The following UBE2U variants were observed in gnomAD, a reference collection of about 807,000 sequenced individuals.
The protein encoded by UBE2U is ubiquitin-conjugating enzyme E2 U.
In UBE2U, 39 loss-of-function variants were observed where a neutral mutation model predicts 41.2. The ratio of observed to expected loss-of-function variants is 0.95; its 90% CI spans 0.73 to 1.24. UBE2U has a LOEUF of 1.24. Among genes scored for constraint, UBE2U ranks in the 50% most tolerant of loss-of-function variants. UBE2U has a pLI of 0.00. For missense variants in UBE2U, 336 were observed against 363.1 expected, an observed-to-expected ratio of 0.93 and a Z score of 0.61; for synonymous variants, 107 against 117.8, an observed-to-expected ratio of 0.91 and a Z score of 0.60.
intron 8 of UBE2U, among the ~76,000 whole-genome samples, chr1:64,252,170 A>G (rs1645021635): frequency 6.6e-6 from 1 of 152,126 alleles, no homozygotes; most frequent in Non-Finnish European, 1.5e-5. Flanking sequence ...GCGAGATCCC[A>G]GTCCATTCCT....
intron 8 of UBE2U, chr1:64,244,257 A>G (rs1017811860): frequency 7.4e-7 from 1 of 1,357,922 alleles, no homozygotes; most frequent in South Asian, 1.9e-5. Context: ...AACCTTACCT[A>G]TCTTGCAAAG....
chr1:64,245,189 C>G (rs1020821072), intron 8 of UBE2U, among the ~76,000 whole-genome samples: 1 of 152,156 alleles, frequency 6.6e-6, no homozygotes, highest in African/African-American at 2.4e-5. Flanking sequence ...CTTTCTAAAG[C>G]CTTTTTTCTT....
chr1:64,204,690 T>C (rs545348946), intron 1 of UBE2U, among the ~76,000 whole-genome samples: 1 of 152,270 alleles, frequency 6.6e-6, no homozygotes, highest in South Asian at 2.1e-4. Flanking sequence ...TGTCCATGGC[T>C]GCCACAGGCT....
rs1645177427 is a variant in UBE2U, at chr1:64,261,319, T to A, written c.769+625T>A. Among the ~76,000 whole-genome samples, 5 of 152,208 alleles carry A rather than the reference T, an allele frequency of 3.3e-5. No individual in the cohort carries two copies. The South Asian group carries it at 1.0e-3, about 32-fold the overall frequency. On this transcript the variant is annotated intron_variant, in intron 9 of 9. Transcript: ENST00000371077. ...TCATCCTTAGCTAGTACTGTGTATG[T>A]GGAAGATGTTCAACAAATCCTAGTT... is the stretch of plus-strand genomic sequence containing the variant.
chr1:64,250,367 C>T (rs1162885451), intron 8 of UBE2U, among the ~76,000 whole-genome samples: 3 of 152,244 alleles, frequency 2.0e-5, no homozygotes, highest in East Asian at 1.9e-4. Context: ...CAACTTTAAA[C>T]CCAGATGGCT....
chr1:64,261,992 C>T (rs1432125458), intron 9 of UBE2U, among the ~76,000 whole-genome samples: 3 of 152,156 alleles, frequency 2.0e-5, no homozygotes, highest in African/African-American at 7.2e-5. Flanking sequence ...TAATACTTGT[C>T]TCTGTCTTTG....
chr1:64,256,045 C>G (rs555396346), intron 8 of UBE2U, among the ~76,000 whole-genome samples: 1 of 152,074 alleles, frequency 6.6e-6, no homozygotes, highest in Admixed American at 6.5e-5. Context: ...GAATAAAATA[C>G]TAGGAATACA....
intron 5 of UBE2U, among the ~76,000 whole-genome samples, 183 bp from the exon 6 acceptor site, chr1:64,220,676 A>G (rs1557711415): frequency 6.6e-6 from 1 of 151,206 alleles, no homozygotes; most frequent in Non-Finnish European, 1.5e-5. Flanking sequence ...GACAGTTACC[A>G]CTTGACATCT....
At chr1:64,215,755 C>T (rs1355069534) in intron 5 of UBE2U, among the ~76,000 whole-genome samples, 2 of 152,150 alleles carry the variant, frequency 1.3e-5, no homozygotes, top group African/African-American at 4.8e-5. Context: ...TTCCTGATAC[C>T]CTTGGTATCC....
intron 9 of UBE2U, among the ~76,000 whole-genome samples, chr1:64,263,909 G>C (rs1468141231): frequency 3.3e-5 from 5 of 152,164 alleles, no homozygotes; most frequent in Non-Finnish European, 5.9e-5. Flanking sequence ...ACTTTGGGTG[G>C]CTAAATGTGT....
chr1:64,243,647 C>T (rs952154232), intron 8 of UBE2U, among the ~76,000 whole-genome samples: 2 of 152,074 alleles, frequency 1.3e-5, no homozygotes, highest in African/African-American at 4.8e-5. Flanking sequence ...AAAAGAGAAA[C>T]CTGTCTCTCC....
Position 64,214,732 on chromosome 1 carries a change from T to C in UBE2U, c.340-83T>C, listed in dbSNP as rs78223171. ...TAGTAAGCATTTAATACATGCTTAT[T>C]GAAAGTTGTATATATTGGTTTGTCG... On this transcript the variant is annotated intron_variant, in intron 4 of 9. Coordinates refer to ENST00000371077, the MANE Select transcript of UBE2U (RefSeq NM_001366232.2). The C allele has an allele frequency of 9.6e-3, 9,532 of 987,976 alleles. 582 individuals carry two copies. The African/African-American group carries it at 0.13, about 14-fold the overall frequency. 61.2% of individuals were successfully genotyped at this position (987,976 alleles called of 1,614,324 possible).
rs902709697 is a variant in UBE2U, at chr1:64,220,967, A to G, written c.506+60A>G. ...TTTACCAAAAGGACTATTTATTTAA[A>G]CTCTTTATGTTTTTCATCATAATTA... On this transcript the variant is annotated intron_variant, in intron 6 of 9. Transcript: ENST00000371077. 7 of 1,137,734 alleles carry G rather than the reference A, an allele frequency of 6.2e-6. No homozygotes were observed. In the African/African-American group the frequency reaches 8.0e-5, roughly 13 times the overall value. The allele number at this position is 1,137,734 out of a possible 1,614,324, so 70.5% of individuals were successfully genotyped here.
At chr1:64,232,499 C>A in intron 6 of UBE2U, 62 bp from the exon 7 acceptor site, 2 of 1,252,132 alleles carry the variant, frequency 1.6e-6, no homozygotes, top group Non-Finnish European at 2.3e-6. Context: ...TATAGCAGTA[C>A]AATAATTTTA....
chr1:64,235,817 C>T (rs932569769), intron 7 of UBE2U, among the ~76,000 whole-genome samples: 1 of 152,056 alleles, frequency 6.6e-6, no homozygotes, highest in Non-Finnish European at 1.5e-5. Context: ...TATTTTTAGC[C>T]ATCTCAATCT....
At chr1:64,239,099 GAAGAAGAA>G (rs1557729720) in intron 7 of UBE2U, among the ~76,000 whole-genome samples, 8 of 5,998 alleles carry the variant, frequency 1.3e-3, no homozygotes, top group Non-Finnish European at 2.2e-3. Flanking sequence ...AGAGGAAGAA[GAAGAAGAA>G]GAAGAAGAAG....
At chr1:64,247,234 A>C (rs575036154) in intron 8 of UBE2U, among the ~76,000 whole-genome samples, 1 of 152,048 alleles carries the variant, frequency 6.6e-6, no homozygotes, top group African/African-American at 2.4e-5. Flanking sequence ...TCTCTCTCCA[A>C]TGTAGCCTCA....
chr1:64,237,669 CAGAT>C (rs1644695167), intron 7 of UBE2U, among the ~76,000 whole-genome samples: 2 of 152,048 alleles, frequency 1.3e-5, no homozygotes, highest in East Asian at 3.9e-4. Flanking sequence ...TGGTAAGAGA[CAGAT>C]GAGTGAAAAA....
At position 64,244,249 on chromosome 1, in the gene UBE2U, C is replaced by T. The variant is rs558368992; in HGVS notation, c.677+2516C>T. 1.6e-4 allele frequency: 223 copies of T among 1,411,074 alleles called. No individual in the cohort carries two copies. In the Admixed American group the frequency reaches 2.8e-3, roughly 18 times the overall value. 87.4% of individuals were successfully genotyped at this position (1,411,074 alleles called of 1,614,324 possible). A position where few individuals can be genotyped will look rare whatever the true frequency, so the allele number is the denominator to read the frequency against. On this transcript the variant is annotated intron_variant, in intron 8 of 9. Transcript: ENST00000371077. Reference sequence around the variant, plus strand: ...TTTTTTATCTGTTAAATGGAGATAACCTTACCTATCTTGCAAAGTTGTTTT... The same window carrying T: ...TTTTTTATCTGTTAAATGGAGATAATCTTACCTATCTTGCAAAGTTGTTTT...
Sources: gnomAD v4.1 joint callset for allele counts (sites outside exome capture counted in the v4.1 genomes callset) on GRCh38, gnomAD v4.1.1 for gene constraint, MANE v1.5 for transcripts, NCBI Gene and HGNC (gene_info 2026-07-23, HGNC 2026-07-21) for gene names.